The following MPRIP variants were observed in gnomAD, a reference collection of about 807,000 sequenced individuals.
MPRIP encodes the protein myosin phosphatase Rho interacting protein.
Under a neutral mutation model 234.9 loss-of-function variants are expected in MPRIP, and 59 were observed. The ratio of observed to expected loss-of-function variants is 0.25; its 90% confidence interval spans 0.20 to 0.31. MPRIP has a LOEUF of 0.31. Among genes scored for constraint, MPRIP ranks in the 10% least tolerant of loss-of-function variants. The probability of loss-of-function intolerance (pLI) is 1.00; values close to 1 mark genes in which losing one functional copy is unlikely to be tolerated. For missense variants in MPRIP, 2,436 were observed against 3,071.0 expected (o/e 0.79, Z 4.89); for synonymous variants, 1,144 against 1,263.9 (o/e 0.91, Z 2.01).
chr17:17,107,000 G>A (rs563482924), intron 3 of MPRIP, among the ~76,000 whole-genome samples: 8 of 152,274 alleles, frequency 5.3e-5, no homozygotes, highest in African/African-American at 1.7e-4. Flanking sequence ...TTTATTGGGT[G>A]GGGAAGTCTT....
rs1434913981 is a variant in MPRIP, at chr17:17,173,957, C to T, written c.6632C>T (p.Ser2211Leu). 5 of 1,613,652 alleles carry T rather than the reference C, an allele frequency of 3.1e-6. No individual in the cohort carries two copies. The highest frequency in any genetic ancestry group is 2.5e-6 in the Non-Finnish European group (3 of 1,180,002). The change falls in exon 19 of 24, where the codon TCG becomes TTG. Residue 2211 changes from serine (S) to leucine (L), a missense_variant. Ser to Leu is a moderately radical substitution (Grantham distance 145). Transcript: ENST00000651222. ...QSVQRELEVL[S>L]EQYSQKCLEN... ...GTGCAGCGGGAACTGGAGGTCCTCT[C>T]GGAGCAGTACTCGCAGAAGTGCCTG...
intron 3 of MPRIP, among the ~76,000 whole-genome samples, chr17:17,097,661 A>G (rs774766144): frequency 2.0e-5 from 3 of 152,224 alleles, no homozygotes; most frequent in Non-Finnish European, 4.4e-5. Context: ...ATGATGCTTC[A>G]GAGAACATTC....
At chr17:17,159,251 G>A (rs2045809095) in intron 14 of MPRIP, among the ~76,000 whole-genome samples, 1 of 152,250 alleles carries the variant, frequency 6.6e-6, no homozygotes, top group South Asian at 2.1e-4. Flanking sequence ...TCCGATGGTG[G>A]GGGCCCCTGC....
chr17:17,074,365 C>T (rs1421458290), intron 1 of MPRIP, among the ~76,000 whole-genome samples: 2 of 152,214 alleles, frequency 1.3e-5, no homozygotes, highest in Non-Finnish European at 2.9e-5. Flanking sequence ...TTGAGCTCCT[C>T]CCGTGGTCTG....
At chr17:17,109,196 C>T (rs1273747794) in intron 3 of MPRIP, among the ~76,000 whole-genome samples, 1 of 152,200 alleles carries the variant, frequency 6.6e-6, no homozygotes, top group East Asian at 1.9e-4. Flanking sequence ...CTGCTGAGCT[C>T]GTGGGTATAT....
chr17:17,171,873 G>T lies in MPRIP; in HGVS notation c.6472+8G>T, dbSNP rs2046144036. The T allele has an allele frequency of 1.2e-6, 2 of 1,612,046 alleles. No individual in the cohort carries two copies. Among genetic ancestry groups the T allele is most frequent in the Non-Finnish European group, 1.7e-6 (2 of 1,179,500 alleles). Reference sequence around the variant, plus strand: ...CAGCGGCCACCATCTCAGGTTGGGGGGTGGGGTAACCCTGAGGGCAGGGTG... The same window carrying T: ...CAGCGGCCACCATCTCAGGTTGGGGTGTGGGGTAACCCTGAGGGCAGGGTG... On this transcript the variant is annotated splice_region_variant and intron_variant, in intron 17 of 23. Coordinates refer to ENST00000651222, the MANE Select transcript of MPRIP (RefSeq NM_001364716.4).
intron 1 of MPRIP, among the ~76,000 whole-genome samples, chr17:17,062,946 T>G (rs575413622): frequency 6.6e-6 from 1 of 152,348 alleles, no homozygotes; most frequent in East Asian, 1.9e-4. Flanking sequence ...ACCCTGTCTC[T>G]TGTCCTTGGT....
intron 22 of MPRIP, among the ~76,000 whole-genome samples, chr17:17,178,247 C>T (rs571255851): frequency 6.6e-6 from 1 of 152,166 alleles, no homozygotes; most frequent in South Asian, 2.1e-4. Flanking sequence ...TTCATTTGAC[C>T]TTCATCTTGA....
intron 13 of MPRIP, among the ~76,000 whole-genome samples, chr17:17,157,646 T>G (rs1760739605): frequency 6.6e-6 from 1 of 152,066 alleles, no homozygotes; most frequent in South Asian, 2.1e-4. Flanking sequence ...CTGGCCAACA[T>G]GGAGAAACCC....
intron 3 of MPRIP, among the ~76,000 whole-genome samples, chr17:17,116,605 GC>G (rs2090290492): frequency 6.6e-6 from 1 of 152,232 alleles, no homozygotes; most frequent in African/African-American, 2.4e-5. Flanking sequence ...GGTGTTCCCA[GC>G]TGGCCTCATC....
In MPRIP at chr17:17,143,756, A is replaced by G. The variant is rs932147543; in HGVS notation, c.1503+87A>G. The G allele has an allele frequency of 3.6e-6, 3 of 822,828 alleles. No individual in the cohort carries two copies. The African/African-American group carries it at 5.3e-5, about 15-fold the overall frequency. 51.0% of individuals were successfully genotyped at this position (822,828 alleles called of 1,614,324 possible). On this transcript the variant is annotated intron_variant, in intron 9 of 23. Transcript: ENST00000651222. ...GCTGTCTGTTTCTGTCTATGCGTCC[A>G]TGCCAGCTGTCCCTCTGTGCACAGG... is the stretch of plus-strand genomic sequence containing the variant.
chr17:17,158,366 G>A (rs1385739531), intron 13 of MPRIP, 66 bp from the exon 14 acceptor site: 3 of 1,405,908 alleles, frequency 2.1e-6, no homozygotes, highest in African/African-American at 1.4e-5. Flanking sequence ...AGCATTGCCA[G>A]CTTCTGCCTG....
chr17:17,138,176 T>C lies in MPRIP; in HGVS notation c.997T>C (p.Ser333Pro). 1.8e-6 allele frequency: 2 copies of C among 1,113,744 alleles called. No individual in the cohort carries two copies. Among genetic ancestry groups the C allele is most frequent in the East Asian group, 2.7e-5 (1 of 36,464 alleles). The allele number at this position is 1,113,744 out of a possible 1,614,324, so 69.0% of individuals were successfully genotyped here. A position where few individuals can be genotyped will look rare whatever the true frequency, so the allele number is the denominator to read the frequency against. Residue 333 changes from serine (S) to proline (P), a missense_variant, in exon 7 of 24, where the codon TCC (serine) becomes CCC (proline). By Grantham distance (74) the Ser-to-Pro change is moderately conservative. Around this residue, in one of 4 missense-constraint regions of MPRIP, gnomAD observed 267 missense variants for 252.7 expected, o/e 1.06. Transcript: ENST00000651222. The surrounding 1 kb of genome is among the most constrained non-coding windows in gnomAD (Gnocchi z 5.8). ...AATGGTCTGCAGCATCTCCCTCAGCTCCCTGGATGTGGCCAGCCAGCCACC... is the reference window on the plus strand; with the variant it reads ...AATGGTCTGCAGCATCTCCCTCAGCCCCCTGGATGTGGCCAGCCAGCCACC... ...HQMVCSISLS[S>P]LDVASQPPAY...
At position 17,158,488 on chromosome 17, in the gene MPRIP, C is replaced by G. The variant is rs1159195659; in HGVS notation, c.1886C>G (p.Pro629Arg). The change falls in exon 14 of 24, where the codon CCT (proline) becomes CGT (arginine). Residue 629 changes from proline to arginine, a missense_variant. Physicochemically the swap from Pro to Arg is moderately radical, Grantham distance 103. Transcript: ENST00000651222. ...TGCTCTTTTGAGACCTGCCCGAGGCCTACTGAGAAGCAAGAGGCAGAGCTG... is the reference window on the plus strand; with the variant it reads ...TGCTCTTTTGAGACCTGCCCGAGGCGTACTGAGAAGCAAGAGGCAGAGCTG... Reference protein sequence around the residue: ...SSCSFETCPRPTEKQEAELGE... With the variant: ...SSCSFETCPRRTEKQEAELGE... The G allele has an allele frequency of 1.2e-6, 2 of 1,609,814 alleles. No individual in the cohort carries two copies. The highest frequency in any genetic ancestry group is 1.3e-5 in the African/African-American group (1 of 74,918).
chr17:17,076,936 C>CTTTTTTTTTTTTTTTTTTTTTTT (rs5819598), intron 2 of MPRIP: 2 of 91,376 alleles, frequency 2.2e-5, no homozygotes, highest in African/African-American at 4.2e-5. Context: ...GGGCTCTTTG[C>CTTTTTTTTTTTTTTTTTTTTTTT]TTTTTTTTTT....
At chr17:17,126,648 C>T (rs1244960398) in intron 3 of MPRIP, 54 bp from the exon 4 acceptor site, 4 of 1,564,554 alleles carry the variant, frequency 2.6e-6, no homozygotes, top group African/African-American at 1.4e-5. Flanking sequence ...GGCTGTACGA[C>T]ATCTGTGGCC....
chr17:17,084,560 A>T (rs1348440490), intron 3 of MPRIP, among the ~76,000 whole-genome samples: 1 of 152,236 alleles, frequency 6.6e-6, no homozygotes, highest in Non-Finnish European at 1.5e-5. Context: ...ATGTGTAGGC[A>T]AGGCAGACTC....
chr17:17,107,567 T>G (rs1471139680), intron 3 of MPRIP, among the ~76,000 whole-genome samples: 1 of 152,186 alleles, frequency 6.6e-6, no homozygotes, highest in African/African-American at 2.4e-5. Flanking sequence ...GAGTTCAGTG[T>G]CCTGGGGCGC....
chr17:17,191,806 CTG>C lies in MPRIP; in HGVS notation c.*6916_*6917del, dbSNP rs769397400. On this transcript the variant is annotated 3_prime_UTR_variant, in exon 24 of 24. Coordinates refer to ENST00000651222, the MANE Select transcript of MPRIP (RefSeq NM_001364716.4). ...ATTGTGAAGAACACTCAGTTCACTA[CTG>C]TGTTACATTTATATCACAAGCTTCA... is the stretch of plus-strand genomic sequence containing the variant. 2 of 152,200 alleles carry C rather than the reference CTG, an allele frequency of 1.3e-5. No homozygotes were observed. Among genetic ancestry groups the C allele is most frequent in the Non-Finnish European group, 1.5e-5 (1 of 68,036 alleles). The allele number at this position is 152,200 out of a possible 1,614,324, so 9.4% of individuals were successfully genotyped here. A position where few individuals can be genotyped will look rare whatever the true frequency, so the allele number is the denominator to read the frequency against.
Sources: allele counts gnomAD v4.1 joint callset (sites outside exome capture counted in the v4.1 genomes callset), GRCh38; gene constraint gnomAD v4.1.1; regional missense constraint gnomAD v4.1.1; non-coding constraint Gnocchi (gnomAD v3.1); transcripts MANE v1.5; gene names NCBI Gene and HGNC (gene_info 2026-07-23, HGNC 2026-07-21).